The following SPHKAP variants were observed in gnomAD, a reference collection of about 807,000 sequenced individuals.
The protein encoded by SPHKAP is A-kinase anchor protein SPHKAP.
Under a neutral mutation model 137.5 loss-of-function variants are expected in SPHKAP, and 67 were observed. The ratio of observed to expected loss-of-function variants is 0.49; its 90% CI spans 0.40 to 0.60. SPHKAP has a LOEUF of 0.60. Among genes scored for constraint, SPHKAP ranks in the 20% least tolerant of loss-of-function variants. The probability of loss-of-function intolerance (pLI) is 0.00; values close to 1 mark genes in which losing one functional copy is unlikely to be tolerated. For synonymous variants in SPHKAP, 813 were observed against 785.3 expected (o/e 1.04, Z -0.59); for missense variants, 2,097 against 2,069.3 (o/e 1.01, Z -0.26).
intron 3 of SPHKAP, among the ~76,000 whole-genome samples, chr2:228,033,784 A>G (rs1438510376): frequency 2.6e-5 from 4 of 152,234 alleles, no homozygotes; most frequent in African/African-American, 4.8e-5. Flanking sequence ...TGACTACTGG[A>G]TACATAACGA....
intron 4 of SPHKAP, among the ~76,000 whole-genome samples, chr2:228,026,599 T>TA (rs1353882404): frequency 1.7e-5 from 2 of 116,516 alleles, no homozygotes; most frequent in Non-Finnish European, 1.7e-5. Flanking sequence ...TACTCTTAGA[T>TA]ACCAACTTGC....
chr2:228,115,077 G>C (rs1188053434), intron 2 of SPHKAP, among the ~76,000 whole-genome samples: 1 of 152,100 alleles, frequency 6.6e-6, no homozygotes, highest in Non-Finnish European at 1.5e-5. Flanking sequence ...GAGAAGACAT[G>C]TCTCTCTTTT....
intron 1 of SPHKAP, among the ~76,000 whole-genome samples, chr2:228,176,282 G>T (rs2106434906): frequency 6.6e-6 from 1 of 152,280 alleles, no homozygotes; most frequent in South Asian, 2.1e-4. Context: ...TTTTGGATGG[G>T]TGGGTATTGC....
chr2:228,135,987 T>G (rs1183317755), intron 1 of SPHKAP, among the ~76,000 whole-genome samples: 1 of 152,218 alleles, frequency 6.6e-6, no homozygotes, highest in African/African-American at 2.4e-5. Flanking sequence ...CATGGCCCAG[T>G]CTGTTCCCAT....
intron 2 of SPHKAP, among the ~76,000 whole-genome samples, chr2:228,129,918 G>A (rs759764865): frequency 8.0e-5 from 12 of 149,654 alleles, no homozygotes; most frequent in Non-Finnish European, 1.6e-4. Context: ...TGTCTCAACC[G>A]CCCGAGTAGC....
chr2:228,128,464 G>T (rs1699144628), intron 2 of SPHKAP, among the ~76,000 whole-genome samples: 1 of 151,988 alleles, frequency 6.6e-6, no homozygotes, highest in Non-Finnish European at 1.5e-5. Flanking sequence ...GAACCCTTCA[G>T]TCATTCATGA....
chr2:228,121,626 A>C (rs991639071), intron 2 of SPHKAP, among the ~76,000 whole-genome samples: 1 of 152,246 alleles, frequency 6.6e-6, no homozygotes, highest in Admixed American at 6.5e-5. Context: ...ATGGGCACAT[A>C]ATCTGTGAAG....
intron 1 of SPHKAP, among the ~76,000 whole-genome samples, chr2:228,132,997 A>G (rs1228714466): frequency 1.3e-5 from 2 of 149,726 alleles, no homozygotes; most frequent in Non-Finnish European, 3.0e-5. Flanking sequence ...CCCTGTCTCA[A>G]AAAAACAAAA....
At chr2:228,172,367 T>C (rs1241800815) in intron 1 of SPHKAP, among the ~76,000 whole-genome samples, 2 of 152,194 alleles carry the variant, frequency 1.3e-5, no homozygotes, top group African/African-American at 4.8e-5. Flanking sequence ...TTATTGTTAT[T>C]ATCTGGAGCT....
intron 3 of SPHKAP, among the ~76,000 whole-genome samples, chr2:228,095,748 A>ATAGTT (rs1697964096): frequency 6.6e-6 from 1 of 152,178 alleles, no homozygotes; most frequent in Non-Finnish European, 1.5e-5. Context: ...TTTTTAAAGG[A>ATAGTT]CAGTTGGAGA....
intron 6 of SPHKAP, among the ~76,000 whole-genome samples, chr2:228,020,540 G>A (rs540532513): frequency 1.3e-5 from 2 of 152,128 alleles, no homozygotes; most frequent in African/African-American, 4.8e-5. Flanking sequence ...GATGCAGGGT[G>A]GGGAACATCA....
intron 2 of SPHKAP, among the ~76,000 whole-genome samples, chr2:228,121,010 G>A (rs895839219): frequency 6.6e-6 from 1 of 152,260 alleles, no homozygotes; most frequent in South Asian, 2.1e-4. Context: ...TGATTTTAAC[G>A]CTAAGTGAAG....
At chr2:228,030,515 A>G (rs1349510882) in intron 3 of SPHKAP, among the ~76,000 whole-genome samples, 35 of 64,942 alleles carry the variant, frequency 5.4e-4, no homozygotes, top group Non-Finnish European at 7.6e-4. Context: ...TACCATCTCA[A>G]AAAAAAAAAA....
At chr2:228,067,039 C>T (rs1189027770) in intron 3 of SPHKAP, among the ~76,000 whole-genome samples, 5 of 152,144 alleles carry the variant, frequency 3.3e-5, no homozygotes, top group Non-Finnish European at 7.4e-5. Flanking sequence ...AATTCAGCTC[C>T]ACCGACGTGA....
At chr2:228,134,624 TC>T (rs1279356618) in intron 1 of SPHKAP, among the ~76,000 whole-genome samples, 2 of 152,178 alleles carry the variant, frequency 1.3e-5, no homozygotes, top group Non-Finnish European at 2.9e-5. Context: ...ATTGTTAGGT[TC>T]TAAATAGTTT....
chr2:228,009,519 A>G (rs1694282442), intron 7 of SPHKAP, among the ~76,000 whole-genome samples: 2 of 151,976 alleles, frequency 1.3e-5, no homozygotes. Context: ...TGCTAATTTC[A>G]TCTTCTCTGT....
intron 7 of SPHKAP, among the ~76,000 whole-genome samples, chr2:228,001,486 C>A (rs567511713): frequency 1.5e-5 from 2 of 135,504 alleles, no homozygotes; most frequent in Admixed American, 1.5e-4. Context: ...AATATATATA[C>A]GTATATATAA....
intron 1 of SPHKAP, among the ~76,000 whole-genome samples, chr2:228,173,874 C>T (rs1288208701): frequency 6.6e-6 from 1 of 152,166 alleles, no homozygotes; most frequent in East Asian, 1.9e-4. Context: ...CTAACAAGTT[C>T]ATACACTATT....
chr2:228,016,491 C>A lies in SPHKAP; in HGVS notation c.4363G>T (p.Glu1455Ter). The change falls in exon 7 of 12, where the codon GAA (glutamate) becomes TAA (stop). Residue 1455 changes from glutamate (E) to a stop codon, truncating the protein, a stop_gained. Transcript: ENST00000392056. LOFTEE classifies it high-confidence loss of function. Reference protein sequence around the residue: ...PFLSKSSLLEEAEGHSNDKNI... With the variant: ...PFLSKSSLLE Reference sequence around the variant, plus strand: ...TTGTCATTCGAATGCCCTTCTGCTTCCTCTAGGAGGCTGCTTTTGGAAAGG... The same window carrying A: ...TTGTCATTCGAATGCCCTTCTGCTTACTCTAGGAGGCTGCTTTTGGAAAGG... 6.2e-7 allele frequency: 1 copy of A among 1,613,876 alleles called. No individual in the cohort carries two copies. The highest frequency in any genetic ancestry group is 1.3e-5 in the African/African-American group (1 of 75,000).
Sources: gnomAD v4.1 joint callset for allele counts (sites outside exome capture counted in the v4.1 genomes callset) on GRCh38, gnomAD v4.1.1 for gene constraint, MANE v1.5 for transcripts, NCBI Gene and HGNC (gene_info 2026-07-23, HGNC 2026-07-21) for gene names.